The following PDIA4 variants were observed in gnomAD, a reference collection of about 807,000 sequenced individuals.
PDIA4 encodes the protein protein disulfide isomerase family A member 4.
In PDIA4, 33 loss-of-function variants were observed where a neutral mutation model predicts 62.1. That is an observed-to-expected ratio of 0.53 (90% confidence interval 0.40 to 0.71). PDIA4 has a LOEUF of 0.71. Among genes scored for constraint, PDIA4 ranks in the 30% least tolerant of loss-of-function variants. The probability of loss-of-function intolerance (pLI) is 0.00; values close to 1 mark genes in which losing one functional copy is unlikely to be tolerated. For missense variants in PDIA4, 804 were observed against 813.6 expected, an observed-to-expected ratio of 0.99 and a Z score of 0.14; for synonymous variants, 341 against 324.1, an observed-to-expected ratio of 1.05 and a Z score of -0.56.
At chr7:149,010,559 G>A (rs944983352) in intron 6 of PDIA4, among the ~76,000 whole-genome samples, 3 of 152,142 alleles carry the variant, frequency 2.0e-5, no homozygotes, top group African/African-American at 4.8e-5. Flanking sequence ...GGTGTCCTGG[G>A]GATTTGTAGT....
Position 149,028,398 on chromosome 7 carries a change from C to G in PDIA4, c.11G>C (p.Arg4Pro). The change falls in exon 1 of 10, where the codon CGG becomes CCG. Residue 4 changes from arginine to proline, a missense_variant. By Grantham distance (103) the Arg-to-Pro change is moderately radical (BLOSUM62 -2). Coordinates refer to ENST00000652332, the MANE Select transcript of PDIA4 (RefSeq NM_004911.5). The stretch of plus-strand genomic sequence containing the variant: ...GAGCAGCAGGAGCAGGAAGGCTTTC[C>G]GGGGCCTCATGGTAGCGGGGGCGGA... MRP[R>P]KAFLLLLLLG... The G allele has an allele frequency of 6.6e-7, 1 of 1,518,708 alleles. No homozygotes were observed. Among genetic ancestry groups the G allele is most frequent in the Non-Finnish European group, 8.8e-7 (1 of 1,133,950 alleles). 94.1% of individuals were successfully genotyped at this position (1,518,708 alleles called of 1,614,324 possible).
At chr7:149,010,115 C>T (rs955166396) in intron 6 of PDIA4, among the ~76,000 whole-genome samples, 2 of 152,136 alleles carry the variant, frequency 1.3e-5, no homozygotes, top group Admixed American at 1.3e-4. Flanking sequence ...GGTTTGTGAC[C>T]TACTAACTGC....
At chr7:149,013,569 AG>A (rs1824025087) in intron 4 of PDIA4, among the ~76,000 whole-genome samples, 1 of 152,010 alleles carries the variant, frequency 6.6e-6, no homozygotes, top group Non-Finnish European at 1.5e-5. Context: ...CCCAGCTACT[AG>A]GGAGGCTGAG....
chr7:149,028,300 C>T, intron 1 of PDIA4, 21 bp downstream of exon 1: 1 of 1,507,196 alleles, frequency 6.6e-7, no homozygotes, highest in Non-Finnish European at 8.9e-7. Context: ...CAGCCCGACC[C>T]GCGGCGCGCT....
rs1333749301 is a variant in PDIA4, at chr7:149,018,786, T to C, written c.475+206A>G. 2.6e-5 allele frequency among the ~76,000 whole-genome samples: 4 copies of C among 151,446 alleles called. No individual in the cohort carries two copies. The South Asian group carries it at 6.3e-4, about 24-fold the overall frequency. Reference sequence around the variant, plus strand: ...AGTTTCAGAGTCTGAAATGTAAAGATGCCACGCCCCAACCCACCCTGCCCA... The same window carrying C: ...AGTTTCAGAGTCTGAAATGTAAAGACGCCACGCCCCAACCCACCCTGCCCA... On this transcript the variant is annotated intron_variant, in intron 3 of 9. Transcript: ENST00000652332.
chr7:149,027,898 C>T (rs1824613003), intron 1 of PDIA4: 2 of 482,414 alleles, frequency 4.1e-6, no homozygotes, highest in Non-Finnish European at 8.5e-6. Context: ...GCACTTGTTT[C>T]TTCACGCCCT....
chr7:149,006,426 C>T (rs1195216301), intron 7 of PDIA4: 4 of 192,700 alleles, frequency 2.1e-5, no homozygotes, highest in South Asian at 9.2e-5. Context: ...GCGGTCTTCA[C>T]GCAGGAGGTC....
chr7:149,009,145 G>A (rs1036061028), intron 6 of PDIA4, among the ~76,000 whole-genome samples: 4 of 152,108 alleles, frequency 2.6e-5, no homozygotes, highest in African/African-American at 9.7e-5. Context: ...TGGCCAGGCT[G>A]GTCTCGAACT....
Position 149,005,991 on chromosome 7 carries a change from G to A in PDIA4, c.1194C>T (p.Gly398=), listed in dbSNP as rs1234661398. The change falls in exon 8 of 10, where the codon GGC becomes GGT. Residue 398 remains glycine, a synonymous_variant. Coordinates refer to ENST00000652332, the MANE Select transcript of PDIA4 (RefSeq NM_004911.5). ...TAGCATCGTTTGACACCTTGCGGTG[G>A]CCAACCAGGGGCAGGGCGTACTTCA... The part of the protein sequence containing the change: ...FVLKYALPLV[G]HRKVSNDAKR... 2 of 1,547,100 alleles carry A rather than the reference G, an allele frequency of 1.3e-6. No individual in the cohort carries two copies. Among genetic ancestry groups the A allele is most frequent in the African/African-American group, 1.4e-5 (1 of 70,112 alleles).
chr7:149,018,616 G>A (rs1387322516), intron 3 of PDIA4, among the ~76,000 whole-genome samples: 1 of 152,082 alleles, frequency 6.6e-6, no homozygotes, highest in Non-Finnish European at 1.5e-5. Flanking sequence ...ATTTTTAGTA[G>A]AGATGGGGTT....
intron 3 of PDIA4, among the ~76,000 whole-genome samples, chr7:149,017,783 G>A (rs1460024377): frequency 6.6e-6 from 1 of 152,092 alleles, no homozygotes; most frequent in Non-Finnish European, 1.5e-5. Flanking sequence ...TGCATGTAGT[G>A]TCTAATGTGA....
intron 3 of PDIA4, 75 bp from the exon 4 acceptor site, chr7:149,015,117 G>A: frequency 6.8e-7 from 1 of 1,470,352 alleles, no homozygotes; most frequent in Non-Finnish European, 9.4e-7. Flanking sequence ...AGAAGCAGAT[G>A]AGGAGGGGGA....
rs778553406 is a variant in PDIA4, at chr7:149,014,907, G to C, written c.611C>G (p.Pro204Arg). The C allele has an allele frequency of 1.2e-6, 2 of 1,613,946 alleles. No homozygotes were observed. Among genetic ancestry groups the C allele is most frequent in the South Asian group, 2.2e-5 (2 of 91,070 alleles). Residue 204 changes from proline (P) to arginine (R), a missense_variant, in exon 4 of 10, where the codon CCA becomes CGA. By Grantham distance (103) the Pro-to-Arg change is moderately radical. Transcript: ENST00000652332. ...ADIILVEFYAPWCGHCKKLAP... is the reference protein window; with the variant it reads ...ADIILVEFYARWCGHCKKLAP... ...AAAGGGCCTGACACCACCTTACCAT[G>C]GGGCATAAAACTCCACCAGAATGAT...
At chr7:149,005,436 T>C (rs1823720087) in intron 8 of PDIA4, 62 bp from the exon 9 acceptor site, 2 of 1,063,612 alleles carry the variant, frequency 1.9e-6, no homozygotes, top group Non-Finnish European at 2.9e-6. Flanking sequence ...GCTCAGACTC[T>C]GAGGTCAGGC....
rs1823700158 is a variant in PDIA4 at position 149,005,147 on chromosome 7, T to G, written c.1516A>C (p.Lys506Gln). ...GCCCCAGCCACGGGCTCACCTTTTT[T>G]GAAAGCAGTGACAAACTCGCGGAGG... ...DTLREFVTAF[K>Q]KGKLKPVIKS... Residue 506 changes from lysine (K) to glutamine (Q), a missense_variant, in exon 9 of 10, where the codon AAA becomes CAA. Transcript: ENST00000652332. 6.2e-7 allele frequency: 1 copy of G among 1,612,500 alleles called. No homozygotes were observed. The highest frequency in any genetic ancestry group is 8.5e-7 in the Non-Finnish European group (1 of 1,178,554).
chr7:149,024,494 T>C (rs1343814294), intron 1 of PDIA4, among the ~76,000 whole-genome samples: 1 of 151,964 alleles, frequency 6.6e-6, no homozygotes, highest in Non-Finnish European at 1.5e-5. Context: ...GCTTCATTTT[T>C]AAAGGTGGAC....
At chr7:149,015,484 G>C (rs1008594229) in intron 3 of PDIA4, among the ~76,000 whole-genome samples, 2 of 103,712 alleles carry the variant, frequency 1.9e-5, no homozygotes, top group African/African-American at 3.7e-5. Context: ...TACGTCATAA[G>C]ATGTATGCAA....
Position 149,013,497 on chromosome 7 carries a change from C to T in PDIA4, c.615-1137G>A, listed in dbSNP as rs148779099. Among the ~76,000 whole-genome samples the T allele has an allele frequency of 2.2e-4, 34 of 152,144 alleles. 1 individual carries two copies. The East Asian group carries it at 5.8e-3, about 26-fold the overall frequency. On this transcript the variant is annotated intron_variant, in intron 4 of 9. Coordinates refer to ENST00000652332, the MANE Select transcript of PDIA4 (RefSeq NM_004911.5). ...TTCAAGACCAACCGGGGCAACATAG[C>T]AAGACCTCATCTCTAAAAATATTTT...
chr7:149,010,457 G>T (rs1823906959), intron 6 of PDIA4, among the ~76,000 whole-genome samples: 1 of 108,372 alleles, frequency 9.2e-6, no homozygotes, highest in South Asian at 4.2e-4. Context: ...TCACACCACT[G>T]CAGTCCAGCC....
Sources: allele counts gnomAD v4.1 joint callset (sites outside exome capture counted in the v4.1 genomes callset), GRCh38; gene constraint gnomAD v4.1.1; transcripts MANE v1.5; gene names NCBI Gene and HGNC (gene_info 2026-07-23, HGNC 2026-07-21).